ADAMTSL1: variants seen among roughly 807,000 people sequenced by gnomAD.
The protein encoded by ADAMTSL1 is ADAMTS like 1.
Under a neutral mutation model 201.8 loss-of-function variants are expected in ADAMTSL1, and 126 were observed. The ratio of observed to expected loss-of-function variants is 0.62; its 90% CI spans 0.54 to 0.72. The LOEUF is 0.72. Ranked by LOEUF, ADAMTSL1 falls within the 30% of genes least tolerant of loss-of-function variation. The pLI, the probability that ADAMTSL1 is intolerant of heterozygous loss-of-function variation, is 0.00. For synonymous variants in ADAMTSL1, 1,121 were observed against 903.4 expected (o/e 1.24, Z -4.32); for missense variants, 2,679 against 2,277.8 (o/e 1.18, Z -3.59).
At chr9:18,812,621 C>A (rs556129335) in intron 20 of ADAMTSL1, among the ~76,000 whole-genome samples, 1 of 152,296 alleles carries the variant, frequency 6.6e-6, no homozygotes, top group South Asian at 2.1e-4. Context: ...GCTGCCCAGA[C>A]TAATGTCATG....
chr9:18,333,449 A>G (rs546623966), intron 2 of ADAMTSL1, among the ~76,000 whole-genome samples: 5 of 152,158 alleles, frequency 3.3e-5, no homozygotes, highest in Non-Finnish European at 7.3e-5. Context: ...CTCCCCAGCC[A>G]TGTGGAATTG....
intron 2 of ADAMTSL1, among the ~76,000 whole-genome samples, chr9:18,415,843 G>T (rs1167861251): frequency 4.6e-5 from 7 of 151,966 alleles, no homozygotes; most frequent in Non-Finnish European, 8.8e-5. Context: ...AGTTAAATAT[G>T]ACAGCAGATT....
At chr9:18,538,002 AAGG>A (rs1005052717) in intron 3 of ADAMTSL1, among the ~76,000 whole-genome samples, 71 of 151,600 alleles carry the variant, frequency 4.7e-4, no homozygotes, top group Middle Eastern at 3.4e-3. Context: ...GAAGAAGAAG[AAGG>A]AGGAGGAGGA....
chr9:18,139,689 GT>G lies in ADAMTSL1; in HGVS notation c.88-24171del, dbSNP rs1826314659. Among the ~76,000 whole-genome samples the G allele has an allele frequency of 9.9e-5, 15 of 152,196 alleles. No individual in the cohort carries two copies. In the South Asian group the frequency reaches 3.1e-3, roughly 32 times the overall value. ...GCTATCCTATGTGACTGCTATGTAG[GT>G]TATATTTTAACCTTATAAACTGCAG... On this transcript the variant is annotated intron_variant, in intron 1 of 29. Transcript: ENST00000680146.
At chr9:18,419,318 G>A (rs1818832861) in intron 2 of ADAMTSL1, among the ~76,000 whole-genome samples, 1 of 152,092 alleles carries the variant, frequency 6.6e-6, no homozygotes, top group African/African-American at 2.4e-5. Flanking sequence ...ACTCAAAAAA[G>A]CATAATTCAG....
chr9:18,783,561 G>T (rs539437840), intron 19 of ADAMTSL1, among the ~76,000 whole-genome samples: 15 of 152,146 alleles, frequency 9.9e-5, no homozygotes, highest in Non-Finnish European at 2.1e-4. Context: ...TAGACCAGGG[G>T]TTGGCAAATT....
intron 21 of ADAMTSL1, among the ~76,000 whole-genome samples, chr9:18,818,678 A>G (rs1463755730): frequency 2.0e-5 from 3 of 152,096 alleles, no homozygotes. Context: ...CTATAGTCTC[A>G]GCTGAGGGAG....
intron 3 of ADAMTSL1, among the ~76,000 whole-genome samples, chr9:18,535,846 G>A (rs569765109): frequency 6.6e-6 from 1 of 152,256 alleles, no homozygotes; most frequent in East Asian, 1.9e-4. Context: ...ATAGCATGGG[G>A]AAAATTGTCT....
At chr9:18,283,804 C>A (rs867274691) in intron 2 of ADAMTSL1, among the ~76,000 whole-genome samples, 1 of 148,092 alleles carries the variant, frequency 6.8e-6, no homozygotes. Context: ...CCCAGCTACT[C>A]GGGAGGCTGA....
At chr9:18,487,342 A>G (rs1822049673) in intron 1 of ADAMTSL1, among the ~76,000 whole-genome samples, 2 of 152,226 alleles carry the variant, frequency 1.3e-5, no homozygotes, top group Non-Finnish European at 2.9e-5. Context: ...TTTACACAGC[A>G]TTAGTACAAA....
chr9:18,544,896 A>G, intron 3 of ADAMTSL1, among the ~76,000 whole-genome samples: 1 of 152,206 alleles, frequency 6.6e-6, no homozygotes, highest in Non-Finnish European at 1.5e-5. Flanking sequence ...CTCAACTTTC[A>G]ACTGATGAAG....
intron 1 of ADAMTSL1, among the ~76,000 whole-genome samples, chr9:17,926,313 T>C (rs1826525533): frequency 6.6e-6 from 1 of 152,202 alleles, no homozygotes; most frequent in African/African-American, 2.4e-5. Context: ...CTCTGTATTA[T>C]TTAGGATGGA....
intron 1 of ADAMTSL1, among the ~76,000 whole-genome samples, chr9:18,042,210 A>T (rs753756138): frequency 6.6e-6 from 1 of 152,154 alleles, no homozygotes; most frequent in Non-Finnish European, 1.5e-5. Context: ...ATTATGAAGC[A>T]TAGAAATAGT....
chr9:18,230,791 C>G (rs902106197), intron 2 of ADAMTSL1, among the ~76,000 whole-genome samples: 1 of 152,006 alleles, frequency 6.6e-6, no homozygotes, highest in Admixed American at 6.6e-5. Context: ...CTCATGGTAG[C>G]TTTTGGTCAT....
At chr9:18,187,250 G>T (rs1366552304) in intron 2 of ADAMTSL1, among the ~76,000 whole-genome samples, 1 of 152,100 alleles carries the variant, frequency 6.6e-6, no homozygotes, top group Non-Finnish European at 1.5e-5. Context: ...ATGGAGTACA[G>T]TCCTTATAGA....
intron 1 of ADAMTSL1, among the ~76,000 whole-genome samples, chr9:18,156,563 T>C (rs1827162738): frequency 6.6e-6 from 1 of 151,998 alleles, no homozygotes; most frequent in Admixed American, 6.6e-5. Flanking sequence ...AGTTAACTGT[T>C]CAACTCTCTG....
intron 1 of ADAMTSL1, among the ~76,000 whole-genome samples, chr9:18,006,856 A>G (rs532662518): frequency 1.3e-5 from 2 of 152,100 alleles, no homozygotes; most frequent in South Asian, 4.1e-4. Flanking sequence ...GAACTGATTT[A>G]CTTTATCTTG....
At chr9:18,436,898 G>A (rs895468360) in intron 2 of ADAMTSL1, among the ~76,000 whole-genome samples, 7 of 152,154 alleles carry the variant, frequency 4.6e-5, no homozygotes, top group Non-Finnish European at 1.0e-4. Flanking sequence ...CCGTAAGGAA[G>A]GCAGGAGCAG....
chr9:18,501,314 C>T (rs1208123092), intron 1 of ADAMTSL1, among the ~76,000 whole-genome samples: 1 of 151,986 alleles, frequency 6.6e-6, no homozygotes, highest in Non-Finnish European at 1.5e-5. Context: ...AGTTCAAGAC[C>T]AGCTTGGGCA....
Sources: allele counts gnomAD v4.1 joint callset (sites outside exome capture counted in the v4.1 genomes callset), GRCh38; gene constraint gnomAD v4.1.1; transcripts MANE v1.5; gene names NCBI Gene and HGNC (gene_info 2026-07-23, HGNC 2026-07-21).